PTK2B: variants seen among roughly 807,000 people sequenced by gnomAD.
The protein encoded by PTK2B is protein tyrosine kinase 2 beta.
In PTK2B, 71 loss-of-function variants were observed where a neutral mutation model predicts 142.9. That is an observed-to-expected ratio of 0.50 (90% CI 0.41 to 0.61). The LOEUF (loss-of-function observed/expected upper bound fraction) is 0.61, where lower values mean the gene tolerates loss of function less well. PTK2B is among the 20% of genes least tolerant of loss of function. The pLI, the probability that PTK2B is intolerant of heterozygous loss-of-function variation, is 0.00. For synonymous variants in PTK2B, 519 were observed against 503.4 expected (o/e 1.03, Z -0.42); for missense variants, 1,105 against 1,320.4 (o/e 0.84, Z 2.53).
chr8:27,440,543 C>T (rs993313916), intron 21 of PTK2B, 102 bp downstream of exon 21: 28 of 1,374,156 alleles, frequency 2.0e-5, no homozygotes, highest in African/African-American at 4.3e-5. Flanking sequence ...CTAAAGAAGA[C>T]GGGCCAGGGT....
rs542511415 is a variant in PTK2B, at chr8:27,342,759, A to T, written c.-38+17078A>T. Among the ~76,000 whole-genome samples the T allele has an allele frequency of 7.2e-5, 11 of 152,174 alleles. No individual in the cohort carries two copies. In the East Asian group the frequency reaches 1.9e-3, roughly 27 times the overall value. ...TTCCTTCTGCCTTATTTTATCATTCATTGGACATGTGCCTTCCCCACTTAC... is the reference window on the plus strand; with the variant it reads ...TTCCTTCTGCCTTATTTTATCATTCTTTGGACATGTGCCTTCCCCACTTAC... On this transcript the variant is annotated intron_variant, in intron 1 of 30. Coordinates refer to ENST00000346049, the MANE Select transcript of PTK2B (RefSeq NM_173176.3).
At chr8:27,331,955 C>G (rs1347260401) in intron 1 of PTK2B, among the ~76,000 whole-genome samples, 1 of 152,222 alleles carries the variant, frequency 6.6e-6, no homozygotes, top group Non-Finnish European at 1.5e-5. Context: ...GGTCCCACCC[C>G]AGGTAGGTTA....
At chr8:27,418,419 T>C (rs1269069716) in intron 2 of PTK2B, among the ~76,000 whole-genome samples, 1 of 152,218 alleles carries the variant, frequency 6.6e-6, no homozygotes, top group Non-Finnish European at 1.5e-5. Flanking sequence ...TATGCCTCCT[T>C]CTTTTCATTC....
chr8:27,418,112 C>T (rs1045123358), intron 2 of PTK2B, among the ~76,000 whole-genome samples: 1 of 152,242 alleles, frequency 6.6e-6, no homozygotes, highest in Non-Finnish European at 1.5e-5. Context: ...GTTGTTACAA[C>T]TGCTCACAAG....
intron 10 of PTK2B, 97 bp from the exon 11 acceptor site, chr8:27,433,338 G>A (rs748375958): frequency 3.8e-6 from 4 of 1,049,528 alleles, no homozygotes; most frequent in Non-Finnish European, 5.7e-6. Context: ...TCCAGGCAAG[G>A]GTTGTGGCAG....
At chr8:27,334,693 A>T (rs781061023) in intron 1 of PTK2B, among the ~76,000 whole-genome samples, 4 of 152,040 alleles carry the variant, frequency 2.6e-5, no homozygotes, top group Non-Finnish European at 1.5e-5. Context: ...CTCCCTGCAC[A>T]CTCATGCCTG....
intron 1 of PTK2B, among the ~76,000 whole-genome samples, chr8:27,342,759 A>G (rs542511415): frequency 6.6e-6 from 1 of 152,056 alleles, no homozygotes; most frequent in African/African-American, 2.4e-5. Flanking sequence ...TTTATCATTC[A>G]TTGGACATGT....
At chr8:27,365,953 C>T (rs1805996168) in intron 1 of PTK2B, among the ~76,000 whole-genome samples, 1 of 152,248 alleles carries the variant, frequency 6.6e-6, no homozygotes, top group African/African-American at 2.4e-5. Context: ...AACAGAACCA[C>T]TAATCATACC....
intron 1 of PTK2B, among the ~76,000 whole-genome samples, chr8:27,331,610 C>T (rs1179091655): frequency 6.6e-6 from 1 of 152,060 alleles, no homozygotes; most frequent in African/African-American, 2.4e-5. Flanking sequence ...CCTCAGCTTC[C>T]CGAGTAGCTG....
intron 1 of PTK2B, among the ~76,000 whole-genome samples, chr8:27,380,093 G>A (rs1046041077): frequency 6.6e-6 from 1 of 152,008 alleles, no homozygotes; most frequent in Non-Finnish European, 1.5e-5. Flanking sequence ...TTGTTTGGAC[G>A]ACACATTGCT....
At chr8:27,443,553 C>A (rs984623503) in intron 22 of PTK2B, among the ~76,000 whole-genome samples, 2 of 152,210 alleles carry the variant, frequency 1.3e-5, no homozygotes, top group African/African-American at 4.8e-5. Flanking sequence ...GGCTTACAGA[C>A]AACCACCTTC....
At chr8:27,336,012 T>C (rs922478709) in intron 1 of PTK2B, among the ~76,000 whole-genome samples, 3 of 152,186 alleles carry the variant, frequency 2.0e-5, no homozygotes, top group Non-Finnish European at 4.4e-5. Context: ...TTTCCGGGTC[T>C]CAGGCTCGTG....
chr8:27,415,343 G>T (rs1165404235), intron 2 of PTK2B, among the ~76,000 whole-genome samples: 4 of 152,146 alleles, frequency 2.6e-5, no homozygotes, highest in Non-Finnish European at 4.4e-5. Flanking sequence ...AGTTATCCAT[G>T]ACTTAAAAGG....
chr8:27,425,710 A>G (rs1054771049), intron 5 of PTK2B, among the ~76,000 whole-genome samples: 3 of 152,204 alleles, frequency 2.0e-5, no homozygotes, highest in African/African-American at 7.2e-5. Context: ...ATAATGACCT[A>G]TATCTACCAT....
intron 1 of PTK2B, among the ~76,000 whole-genome samples, chr8:27,343,360 C>A (rs979906761): frequency 6.6e-6 from 1 of 152,198 alleles, no homozygotes; most frequent in South Asian, 2.1e-4. Context: ...CTTCCTCAAG[C>A]CTGACTCAAG....
At chr8:27,442,453 G>C (rs1811210126) in intron 21 of PTK2B, among the ~76,000 whole-genome samples, 1 of 147,934 alleles carries the variant, frequency 6.8e-6, no homozygotes, top group Non-Finnish European at 1.5e-5. Flanking sequence ...TGCGTTGGGG[G>C]ATGTTTCATG....
chr8:27,313,632 A>G (rs1014260020), intron 3 of PTK2B, among the ~76,000 whole-genome samples: 3 of 152,104 alleles, frequency 2.0e-5, no homozygotes, highest in African/African-American at 7.2e-5. Flanking sequence ...GGAGGTGAGC[A>G]TGCACCATGT....
exon 1 of PTK2B, chr8:27,311,598 G>T: frequency 3.3e-6 from 1 of 306,218 alleles, no homozygotes; most frequent in East Asian, 6.2e-5. Context: ...GCTGCAAATG[G>T]GAAAAGGAGC....
At chr8:27,419,833 G>A (rs1809631506) in intron 2 of PTK2B, 62 bp from the exon 3 acceptor site, 2 of 1,569,018 alleles carry the variant, frequency 1.3e-6, no homozygotes, top group Non-Finnish European at 8.7e-7. Context: ...AGGTCTGTGT[G>A]AGAATTATGG....
Sources: allele counts gnomAD v4.1 joint callset (sites outside exome capture counted in the v4.1 genomes callset), GRCh38; gene constraint gnomAD v4.1.1; transcripts MANE v1.5; gene names NCBI Gene and HGNC (gene_info 2026-07-23, HGNC 2026-07-21).